Variants in KIAA1549L observed in about 807,000 individuals in gnomAD.
KIAA1549L encodes the protein UPF0606 protein KIAA1549L.
Under a neutral mutation model 160.7 loss-of-function variants are expected in KIAA1549L, and 88 were observed. The observed-to-expected ratio is 0.55, with a 90% confidence interval of 0.46 to 0.65. KIAA1549L has a LOEUF of 0.65. Ranked by LOEUF, KIAA1549L falls within the 30% of genes least tolerant of loss-of-function variation. The probability of loss-of-function intolerance (pLI) is 0.00; values close to 1 mark genes in which losing one functional copy is unlikely to be tolerated. For missense variants in KIAA1549L, 2,258 were observed against 2,437.5 expected (o/e 0.93, Z 1.55); for synonymous variants, 950 against 976.7 (o/e 0.97, Z 0.51).
At chr11:33,385,432 C>T (rs892441144) in intron 1 of KIAA1549L, among the ~76,000 whole-genome samples, 1 of 152,166 alleles carries the variant, frequency 6.6e-6, no homozygotes, top group African/African-American at 2.4e-5. Context: ...TTTCTGACTG[C>T]CTGGTAGATG....
intron 19 of KIAA1549L, among the ~76,000 whole-genome samples, chr11:33,660,313 C>T (rs1044489752): frequency 6.6e-6 from 1 of 152,170 alleles, no homozygotes; most frequent in African/African-American, 2.4e-5. Context: ...CGCGGTGGCT[C>T]ATGTCTGTAA....
chr11:33,505,650 G>A (rs532934017), intron 1 of KIAA1549L, among the ~76,000 whole-genome samples: 1 of 152,302 alleles, frequency 6.6e-6, no homozygotes, highest in South Asian at 2.1e-4. Flanking sequence ...TCTGGTCTGA[G>A]CAAAGCAATG....
chr11:33,649,879 AAAG>A, intron 17 of KIAA1549L, among the ~76,000 whole-genome samples: 1 of 148,398 alleles, frequency 6.7e-6, no homozygotes, highest in Non-Finnish European at 1.5e-5. Context: ...AAAAAAAAGG[AAAG>A]AAAGAAAAAA....
At position 33,618,752 on chromosome 11, in the gene KIAA1549L, C is replaced by T. The variant is rs1590403907; in HGVS notation, c.5409+90C>T. ...CATCCCACTGTGTTTTGGTTTACCA[C>T]ATATTTGTGGAATTTTAAAAAGCAC... is the stretch of plus-strand genomic sequence containing the variant. On this transcript the variant is annotated intron_variant, in intron 16 of 20. Coordinates refer to ENST00000658780, the MANE Select transcript of KIAA1549L (RefSeq NM_012194.3). The T allele has an allele frequency of 3.3e-6, 4 of 1,207,752 alleles. No homozygotes were observed. The East Asian group carries it at 8.5e-5, about 26-fold the overall frequency. 74.8% of individuals were successfully genotyped at this position (1,207,752 alleles called of 1,614,324 possible).
chr11:33,535,902 T>A (rs1286600319), intron 1 of KIAA1549L, among the ~76,000 whole-genome samples: 2 of 152,246 alleles, frequency 1.3e-5, no homozygotes, highest in African/African-American at 4.8e-5. Context: ...TTCTCCCTAA[T>A]AAACATCAGC....
chr11:33,405,839 CAAAAAAAAAA>C (rs35479859), intron 1 of KIAA1549L, among the ~76,000 whole-genome samples: 1 of 68,878 alleles, frequency 1.5e-5, no homozygotes, highest in Non-Finnish European at 2.7e-5. Flanking sequence ...CAGTCTGTCT[CAAAAAAAAAA>C]AAAAAAAAAA....
In KIAA1549L at chr11:33,543,782, C is replaced by G. The variant is rs757470296; in HGVS notation, c.2219C>G (p.Pro740Arg). Residue 740 changes from proline to arginine, a missense_variant, in exon 2 of 21, where the codon CCA becomes CGA. By Grantham distance (103) the Pro-to-Arg change is moderately radical. Coordinates refer to ENST00000658780, the MANE Select transcript of KIAA1549L (RefSeq NM_012194.3). ...ACAAGTTGGGAAACTCATTTAGCTCCAACAGCTCCTCCCAATGGTTTAACT... is the reference window on the plus strand; with the variant it reads ...ACAAGTTGGGAAACTCATTTAGCTCGAACAGCTCCTCCCAATGGTTTAACT... ...STTSWETHLA[P>R]TAPPNGLTSA... 1.2e-5 allele frequency: 19 copies of G among 1,613,922 alleles called. No individual in the cohort carries two copies. The South Asian group carries it at 1.8e-4, about 15-fold the overall frequency.
At chr11:33,569,280 G>C (rs564360095) in intron 9 of KIAA1549L, among the ~76,000 whole-genome samples, 1 of 152,284 alleles carries the variant, frequency 6.6e-6, no homozygotes, top group African/African-American at 2.4e-5. Flanking sequence ...GAATTGCACT[G>C]TCACCACTGA....
intron 4 of KIAA1549L, among the ~76,000 whole-genome samples, chr11:33,549,147 A>T (rs1340291755): frequency 6.8e-6 from 1 of 147,574 alleles, no homozygotes; most frequent in African/African-American, 2.5e-5. Flanking sequence ...GACAATGAGT[A>T]TTTTTTTTTT....
chr11:33,448,359 C>T (rs1003325238), intron 1 of KIAA1549L, among the ~76,000 whole-genome samples: 1 of 152,142 alleles, frequency 6.6e-6, no homozygotes, highest in Non-Finnish European at 1.5e-5. Flanking sequence ...ATGAGTGAGC[C>T]TTATTCTCAA....
rs1312922405 is a variant in KIAA1549L, at chr11:33,656,038, G to T, written c.5787G>T (p.Glu1929Asp). 2 of 1,613,904 alleles carry T rather than the reference G, an allele frequency of 1.2e-6. No homozygotes were observed. The highest frequency in any genetic ancestry group is 4.5e-5 in the East Asian group (2 of 44,886). Residue 1929 changes from glutamate to aspartate, a missense_variant, in exon 18 of 21, where the codon GAG becomes GAT. Around this residue, in one of 6 missense-constraint regions of KIAA1549L, gnomAD observed 1,359 missense variants for 1,546.6 expected, o/e 0.88. Transcript: ENST00000658780. ...CTTACAGGTTTTCCCAGCTTCCTGA[G>T]ATGGTCATGGGCTCACCGCCTCCAC... ...RPAYRFSQLP[E>D]MVMGSPPPPV...
At chr11:33,444,719 C>T (rs1417521517) in intron 1 of KIAA1549L, among the ~76,000 whole-genome samples, 1 of 152,174 alleles carries the variant, frequency 6.6e-6, no homozygotes, top group African/African-American at 2.4e-5. Flanking sequence ...ATTTCGCTAA[C>T]GAATACACTA....
In KIAA1549L at chr11:33,669,734, A is replaced by G. The variant is rs1439812006; in HGVS notation, c.*1580A>G. The G allele has an allele frequency of 6.6e-6, 1 of 152,246 alleles. No homozygotes were observed. The highest frequency in any genetic ancestry group is 1.5e-5 in the Non-Finnish European group (1 of 68,044). 9.4% of individuals were successfully genotyped at this position (152,246 alleles called of 1,614,324 possible). On this transcript the variant is annotated 3_prime_UTR_variant, in exon 21 of 21. Transcript: ENST00000658780. ...GGAGGTTCAAACTGTCAATGCACAG[A>G]CTTTTCAAAGAAGTTGTTTATATTT...
At chr11:33,409,093 G>C (rs1003218545) in intron 1 of KIAA1549L, among the ~76,000 whole-genome samples, 1 of 152,064 alleles carries the variant, frequency 6.6e-6, no homozygotes. Context: ...CTAGAGGGAG[G>C]GGGGACAGGT....
At chr11:33,443,544 T>C (rs1250928343) in intron 1 of KIAA1549L, among the ~76,000 whole-genome samples, 1 of 152,150 alleles carries the variant, frequency 6.6e-6, no homozygotes, top group African/African-American at 2.4e-5. Context: ...CCCAAATGAA[T>C]GGGGCTTTTG....
intron 2 of KIAA1549L, 30 bp downstream of exon 2, chr11:33,544,366 C>T (rs537370283): frequency 1.2e-6 from 2 of 1,606,070 alleles, no homozygotes; most frequent in Non-Finnish European, 1.7e-6. Context: ...TAGTTTGTTT[C>T]CCGGTACCCC....
chr11:33,493,491 A>C (rs145367705), intron 1 of KIAA1549L, among the ~76,000 whole-genome samples: 88 of 152,312 alleles, frequency 5.8e-4, no homozygotes, highest in African/African-American at 2.0e-3. Flanking sequence ...TGCTGGGGGC[A>C]TCTTACATCT....
At chr11:33,432,229 G>A (rs533022261) in intron 1 of KIAA1549L, among the ~76,000 whole-genome samples, 5 of 152,324 alleles carry the variant, frequency 3.3e-5, no homozygotes, top group South Asian at 4.1e-4. Context: ...CTCAAGTGCC[G>A]CCAAAGTAGG....
chr11:33,534,623 G>A (rs949571764), intron 1 of KIAA1549L, among the ~76,000 whole-genome samples: 5 of 152,034 alleles, frequency 3.3e-5, no homozygotes, highest in African/African-American at 1.2e-4. Flanking sequence ...CTGTTTCATA[G>A]CAACATTTCA....
Sources: allele counts gnomAD v4.1 joint callset (sites outside exome capture counted in the v4.1 genomes callset), GRCh38; gene constraint gnomAD v4.1.1; regional missense constraint gnomAD v4.1.1; transcripts MANE v1.5; gene names NCBI Gene and HGNC (gene_info 2026-07-23, HGNC 2026-07-21).